ZBTB46: variants seen among roughly 807,000 people sequenced by gnomAD.
ZBTB46 encodes zinc finger and BTB domain-containing protein 46.
ZBTB46 carries 8 observed loss-of-function variants against 44.1 expected under a neutral mutation model. The observed-to-expected ratio is 0.18, with a 90% CI of 0.11 to 0.33. ZBTB46 has a LOEUF of 0.33. ZBTB46 is among the 10% of genes least tolerant of loss of function. ZBTB46 has a pLI of 1.00. For missense variants in ZBTB46, 651 were observed against 847.7 expected (o/e 0.77, Z 2.88); for synonymous variants, 409 against 382.3 (o/e 1.07, Z -0.81).
intron 1 of ZBTB46, among the ~76,000 whole-genome samples, chr20:63,805,042 T>A (rs1230218395): frequency 1.3e-5 from 2 of 151,104 alleles, no homozygotes; most frequent in Non-Finnish European, 2.9e-5. Flanking sequence ...TGCCTCAGCC[T>A]CCTGAGTAGC....
At chr20:63,772,979 G>A (rs1478470228) in intron 3 of ZBTB46, among the ~76,000 whole-genome samples, 1 of 152,216 alleles carries the variant, frequency 6.6e-6, no homozygotes, top group East Asian at 1.9e-4. Context: ...CGAGGAAGGG[G>A]AGAAACTGCC....
intron 3 of ZBTB46, among the ~76,000 whole-genome samples, chr20:63,765,153 G>T (rs2092310630): frequency 6.6e-6 from 1 of 151,950 alleles, no homozygotes; most frequent in Non-Finnish European, 1.5e-5. Flanking sequence ...GAGGCTTGGG[G>T]TGGGGGGCAG....
intron 3 of ZBTB46, among the ~76,000 whole-genome samples, chr20:63,754,330 AC>A (rs1181597763): frequency 6.6e-6 from 1 of 152,062 alleles, no homozygotes; most frequent in Non-Finnish European, 1.5e-5. Flanking sequence ...CCCCCAGGCC[AC>A]CCTTCTCACC....
chr20:63,813,456 A>AT (rs1555855875), intron 1 of ZBTB46, among the ~76,000 whole-genome samples: 2,801 of 151,234 alleles, frequency 0.019, 73 homozygotes, highest in African/African-American at 0.059. Flanking sequence ...TCAAAAAAAA[A>AT]AAATAAATAA....
At chr20:63,806,771 G>T (rs2092684182) in intron 1 of ZBTB46, among the ~76,000 whole-genome samples, 1 of 151,722 alleles carries the variant, frequency 6.6e-6, no homozygotes, top group African/African-American at 2.4e-5. Flanking sequence ...ACCACGCCCA[G>T]CTAATTGTTT....
intron 2 of ZBTB46, chr20:63,788,322 G>C (rs539489979): frequency 6.6e-6 from 1 of 152,360 alleles, no homozygotes; most frequent in African/African-American, 2.4e-5. Context: ...GGGGAAAAGA[G>C]CAGAGGCCAA....
At chr20:63,817,380 G>A (rs1470983390) in intron 1 of ZBTB46, among the ~76,000 whole-genome samples, 1 of 151,984 alleles carries the variant, frequency 6.6e-6, no homozygotes, top group Non-Finnish European at 1.5e-5. Context: ...ACTCCAGCCT[G>A]GCCCACAGAG....
At chr20:63,832,526 G>C (rs1458555887), upstream of ZBTB46, among the ~76,000 whole-genome samples, 2 of 152,214 alleles carry the variant, frequency 1.3e-5, no homozygotes, top group African/African-American at 2.4e-5. This position sits in a 1 kb window ranked among gnomAD's most constrained non-coding sequence, Gnocchi z 5.0. Context: ...AGGAGCGGCA[G>C]TGGGAGGCGG....
At chr20:63,825,842 G>GC (rs2146102092) in intron 1 of ZBTB46, among the ~76,000 whole-genome samples, 1 of 152,322 alleles carries the variant, frequency 6.6e-6, no homozygotes, top group East Asian at 1.9e-4. Context: ...TCGTTCTTCT[G>GC]CCCAGTTAAG....
At chr20:63,757,669 C>T (rs1219209618) in intron 3 of ZBTB46, among the ~76,000 whole-genome samples, 1 of 152,154 alleles carries the variant, frequency 6.6e-6, no homozygotes, top group Non-Finnish European at 1.5e-5. Context: ...GTGTAGGAAC[C>T]CTGGCTTTTA....
intron 1 of ZBTB46, among the ~76,000 whole-genome samples, chr20:63,817,433 G>A (rs559555336): frequency 6.6e-6 from 1 of 151,774 alleles, no homozygotes; most frequent in South Asian, 2.1e-4. Flanking sequence ...AAGAAAAAGA[G>A]GCCGGGTGCA....
At chr20:63,801,488 A>C (rs979531647) in intron 1 of ZBTB46, among the ~76,000 whole-genome samples, 4 of 152,206 alleles carry the variant, frequency 2.6e-5, no homozygotes, top group African/African-American at 4.8e-5. Flanking sequence ...GAATAAGAGC[A>C]GGCTGCCCCA....
intron 1 of ZBTB46, among the ~76,000 whole-genome samples, chr20:63,807,817 C>G (rs998968963): frequency 2.6e-5 from 4 of 152,276 alleles, no homozygotes; most frequent in African/African-American, 7.2e-5. Context: ...GGGCTCGCTC[C>G]CCCTCCGAGC....
intron 1 of ZBTB46, among the ~76,000 whole-genome samples, chr20:63,812,466 AC>A (rs1324625532): frequency 6.0e-5 from 9 of 151,080 alleles, no homozygotes; most frequent in Admixed American, 5.3e-4. Flanking sequence ...ACATGGTAAA[AC>A]CCCGTCTCTA....
intron 3 of ZBTB46, among the ~76,000 whole-genome samples, chr20:63,760,994 T>C (rs1304839239): frequency 1.5e-5 from 2 of 129,146 alleles, no homozygotes; most frequent in Non-Finnish European, 3.2e-5. Context: ...ACTTCATTGA[T>C]AGCTCTTTTT....
intron 1 of ZBTB46, among the ~76,000 whole-genome samples, chr20:63,816,189 C>T (rs2092756962): frequency 6.6e-6 from 1 of 151,832 alleles, no homozygotes; most frequent in South Asian, 2.1e-4. Context: ...GCAGTGGGCA[C>T]AGGTGCAGTG....
In ZBTB46 at chr20:63,761,439, T is replaced by TA. The variant is rs548883444; in HGVS notation, c.1223-8579dup. On this transcript the variant is annotated intron_variant, in intron 3 of 4. Coordinates refer to ENST00000245663, the MANE Select transcript of ZBTB46 (RefSeq NM_001369741.1). ...TGTAAGTTTCCCTTAAATATTGCTT[T>TA]AGATGTGGGCCTAAAAGTTTTGATA... Among the ~76,000 whole-genome samples the TA allele has an allele frequency of 1.6e-3, 240 of 152,318 alleles. 1 individual carries two copies. The highest frequency in any genetic ancestry group is 5.5e-3 in the African/African-American group (228 of 41,560).
chr20:63,780,982 A>T lies in ZBTB46; in HGVS notation c.938-5020T>A, dbSNP rs180825711. Among the ~76,000 whole-genome samples the T allele has an allele frequency of 7.5e-3, 1,072 of 143,138 alleles. 13 individuals are homozygous for T. Among genetic ancestry groups the T allele is most frequent in the African/African-American group, 0.026 (1,024 of 39,078 alleles). The allele number at this position is 143,138 out of a possible 152,430, so 93.9% of individuals were successfully genotyped here. A position where few individuals can be genotyped will look rare whatever the true frequency, so the allele number is the denominator to read the frequency against. On this transcript the variant is annotated intron_variant, in intron 2 of 4. Transcript: ENST00000245663. ...CATCTCTACTAAAAAAAAAAAAAAA[A>T]ATACAAAAATTAGCTGGGCGCGGTG...
rs868534760 is a variant in ZBTB46 at position 63,803,259 on chromosome 20, T to C, written c.-33-12469A>G. 14 of 972,610 alleles carry C rather than the reference T, an allele frequency of 1.4e-5. No homozygotes were observed. In the South Asian group the frequency reaches 5.7e-4, roughly 40 times the overall value. 60.2% of individuals were successfully genotyped at this position (972,610 alleles called of 1,614,324 possible). A position where few individuals can be genotyped will look rare whatever the true frequency, so the allele number is the denominator to read the frequency against. On this transcript the variant is annotated intron_variant, in intron 1 of 4. Transcript: ENST00000245663. The surrounding 1 kb of genome is among the most constrained non-coding windows in gnomAD (Gnocchi z 4.0). Reference sequence around the variant, plus strand: ...ACACCAAGGCGTTCATGGTTTACCTTCTTCTGAAAAAATTAAGGTTAAGAC... The same window carrying C: ...ACACCAAGGCGTTCATGGTTTACCTCCTTCTGAAAAAATTAAGGTTAAGAC...
Sources: gnomAD v4.1 joint callset for allele counts (sites outside exome capture counted in the v4.1 genomes callset) on GRCh38, gnomAD v4.1.1 for gene constraint, Gnocchi (gnomAD v3.1) non-coding constraint, MANE v1.5 for transcripts, NCBI Gene and HGNC (gene_info 2026-07-23, HGNC 2026-07-21) for gene names.